GET1: variants seen among roughly 807,000 people sequenced by gnomAD.
The protein encoded by GET1 is guided entry of tail-anchored proteins factor 1.
Under a neutral mutation model 22.6 loss-of-function variants are expected in GET1, and 20 were observed. The observed-to-expected ratio is 0.89, with a 90% CI of 0.62 to 1.29. GET1 has a LOEUF of 1.29. Among genes scored for constraint, GET1 ranks in the 50% most tolerant of loss-of-function variants. The pLI, the probability that GET1 is intolerant of heterozygous loss-of-function variation, is 0.00. For synonymous variants in GET1, 92 were observed against 83.8 expected, an observed-to-expected ratio of 1.10 and a Z score of -0.53; for missense variants, 209 against 219.9, an observed-to-expected ratio of 0.95 and a Z score of 0.31.
At chr21:39,422,702 A>T in intron 1 of GET1, 1 of 520,324 alleles carries the variant, frequency 1.9e-6, no homozygotes, top group South Asian at 3.3e-5. Context: ...GTGCTCTCTT[A>T]GAGAATGGTC....
At position 39,419,267 on chromosome 21, in the gene GET1, G is replaced by A. The variant is rs566299492; in HGVS notation, c.*23+8330G>A. Among the ~76,000 whole-genome samples the A allele has an allele frequency of 3.3e-5, 5 of 152,124 alleles. No homozygotes were observed. In the South Asian group the frequency reaches 8.3e-4, roughly 25 times the overall value. On this transcript the variant is annotated intron_variant, in intron 1 of 1. Transcript: ENST00000478273. ...AGGCTGGGTGTGGTGGCTCACACCT[G>A]TAATCCTAACACTTTGGAAGGCCAA...
downstream of GET1, among the ~76,000 whole-genome samples, chr21:39,400,144 C>T (rs2038804214): frequency 6.6e-6 from 1 of 152,152 alleles, no homozygotes; most frequent in South Asian, 2.1e-4. Context: ...TTTTCTTACA[C>T]AGTGCATCAT....
chr21:39,401,337 T>G (rs748847377), downstream of GET1, among the ~76,000 whole-genome samples: 11 of 152,214 alleles, frequency 7.2e-5, no homozygotes, highest in Non-Finnish European at 1.3e-4. Context: ...TGTGAGCCAC[T>G]GTGTCCAGCC....
chr21:39,391,891 G>C (rs1569038507), intron 3 of GET1, 55 bp downstream of exon 3: 1 of 1,574,490 alleles, frequency 6.4e-7, no homozygotes, highest in Non-Finnish European at 8.7e-7. Context: ...CCGGCCTCCA[G>C]AGCCGTGTCT....
At chr21:39,401,990 A>G (rs551002444), downstream of GET1, among the ~76,000 whole-genome samples, 1 of 152,296 alleles carries the variant, frequency 6.6e-6, no homozygotes, top group South Asian at 2.1e-4. Context: ...AGACACAAAA[A>G]TGTTGAAATT....
intron 1 of GET1, chr21:39,387,882 A>C: frequency 1.1e-6 from 1 of 951,646 alleles, no homozygotes; most frequent in Non-Finnish European, 1.2e-6. Flanking sequence ...AGGGGGGGGG[A>C]TCTGATTTAT....
intron 1 of GET1, chr21:39,423,476 A>G (rs772137118): frequency 2.6e-6 from 4 of 1,564,110 alleles, no homozygotes; most frequent in Non-Finnish European, 2.6e-6. Context: ...TTTTCAACTG[A>G]TATTTCCTTC....
downstream of GET1, chr21:39,407,916 C>T (rs916592425): frequency 6.6e-6 from 1 of 152,166 alleles, no homozygotes; most frequent in African/African-American, 2.4e-5. Context: ...GTGGCTTTGC[C>T]GGTGAGTTCT....
chr21:39,382,751 T>C (rs190537462), intron 1 of GET1, among the ~76,000 whole-genome samples: 2 of 152,190 alleles, frequency 1.3e-5, no homozygotes, highest in Non-Finnish European at 2.9e-5. Context: ...CTGCTTTCAG[T>C]TTTTCTGGAC....
At chr21:39,390,040 G>T (rs1232809242) in intron 1 of GET1, among the ~76,000 whole-genome samples, 3 of 146,938 alleles carry the variant, frequency 2.0e-5, no homozygotes, top group Admixed American at 2.0e-4. Context: ...ATTTGAATAT[G>T]AGTTTTTTTT....
intron 1 of GET1, among the ~76,000 whole-genome samples, chr21:39,383,144 C>T (rs1412171873): frequency 5.3e-5 from 8 of 151,838 alleles, no homozygotes; most frequent in South Asian, 2.1e-4. Flanking sequence ...TTAGTAGAGA[C>T]GAGGTTTCAC....
intron 1 of GET1, chr21:39,387,968 A>G: frequency 1.7e-6 from 1 of 586,594 alleles, no homozygotes; most frequent in Non-Finnish European, 2.1e-6. Context: ...CGAAACAAAC[A>G]CAAATGTGCA....
chr21:39,422,859 C>T (rs1169526703), intron 1 of GET1: 16 of 945,268 alleles, frequency 1.7e-5, no homozygotes, highest in East Asian at 7.2e-5. Context: ...TAGTGCAGCA[C>T]GCCAAGTGAA....
chr21:39,393,530 G>T (rs977597936), intron 4 of GET1, among the ~76,000 whole-genome samples: 12 of 152,146 alleles, frequency 7.9e-5, no homozygotes, highest in Non-Finnish European at 7.3e-5. Context: ...CGGGATCCAT[G>T]CCCAATACGT....
chr21:39,391,557 T>A, intron 2 of GET1: 6 of 489,232 alleles, frequency 1.2e-5, no homozygotes, highest in African/African-American at 2.0e-5. Flanking sequence ...GCTATTCAAA[T>A]CTCAATCTGA....
At chr21:39,385,405 C>T (rs1440422356) in intron 1 of GET1, among the ~76,000 whole-genome samples, 6 of 152,118 alleles carry the variant, frequency 3.9e-5, no homozygotes, top group Non-Finnish European at 8.8e-5. Context: ...CTCAGCTGTC[C>T]GCTGCGGTGG....
intron 1 of GET1, among the ~76,000 whole-genome samples, chr21:39,423,818 TA>T (rs2074159084): frequency 6.6e-6 from 1 of 152,164 alleles, no homozygotes; most frequent in African/African-American, 2.4e-5. Flanking sequence ...TCTTTGACTC[TA>T]AAATCTGTAC....
At chr21:39,423,395 C>A in intron 1 of GET1, 1 of 1,609,868 alleles carries the variant, frequency 6.2e-7, no homozygotes, top group Non-Finnish European at 8.5e-7. Context: ...ATTCGATGAG[C>A]CATAGCATCT....
At chr21:39,393,024 C>T (rs1004150799) in intron 3 of GET1, 142 bp from the exon 4 acceptor site, 4 of 624,974 alleles carry the variant, frequency 6.4e-6, no homozygotes, top group East Asian at 5.5e-5. Flanking sequence ...CATCTGTTGT[C>T]TGTGGGGACT....
Sources: allele counts gnomAD v4.1 joint callset (sites outside exome capture counted in the v4.1 genomes callset), GRCh38; gene constraint gnomAD v4.1.1; transcripts MANE v1.5; gene names NCBI Gene and HGNC (gene_info 2026-07-23, HGNC 2026-07-21).